ESR1: variants seen among roughly 807,000 people sequenced by gnomAD.
ESR1 encodes estrogen receptor 1, also known as estrogen receptor.
A neutral mutation model predicts 52.7 loss-of-function variants in ESR1; 12 were observed. The observed-to-expected ratio is 0.23, with a 90% CI of 0.15 to 0.37. ESR1 has a LOEUF of 0.37. Among genes scored for constraint, ESR1 ranks in the 10% least tolerant of loss-of-function variants. The pLI is 1.00. For synonymous variants in ESR1, 305 were observed against 316.8 expected (o/e 0.96, Z 0.39); for missense variants, 584 against 779.7 (o/e 0.75, Z 2.99).
At chr6:152,007,726 C>T (rs984378168) in intron 4 of ESR1, among the ~76,000 whole-genome samples, 4 of 152,042 alleles carry the variant, frequency 2.6e-5, no homozygotes, top group South Asian at 4.1e-4. Flanking sequence ...GGCCCATGGC[C>T]CCCATGTCAT....
chr6:151,891,729 C>T (rs1237814506), intron 3 of ESR1, among the ~76,000 whole-genome samples: 1 of 152,116 alleles, frequency 6.6e-6, no homozygotes, highest in African/African-American at 2.4e-5. Context: ...GAGAGATAGA[C>T]ATATGCATGA....
At chr6:152,107,069 T>G (rs1004452204), downstream of ESR1, among the ~76,000 whole-genome samples, 2 of 152,208 alleles carry the variant, frequency 1.3e-5, no homozygotes, top group African/African-American at 4.8e-5. Flanking sequence ...TGTGTTTTGG[T>G]GTAGATCTTT....
chr6:151,767,703 A>G (rs1785177022), intron 2 of ESR1, among the ~76,000 whole-genome samples: 1 of 152,222 alleles, frequency 6.6e-6, no homozygotes, highest in African/African-American at 2.4e-5. Context: ...GTCAAATTCC[A>G]GTTAAAAGAA....
chr6:151,868,586 G>A (rs1214691178), intron 2 of ESR1, among the ~76,000 whole-genome samples: 1 of 152,108 alleles, frequency 6.6e-6, no homozygotes, highest in Non-Finnish European at 1.5e-5. Flanking sequence ...TTCTATGTTA[G>A]TTTGCTTAGA....
At chr6:152,074,190 T>C (rs1309740557) in intron 6 of ESR1, among the ~76,000 whole-genome samples, 2 of 152,184 alleles carry the variant, frequency 1.3e-5, no homozygotes, top group African/African-American at 2.4e-5. Flanking sequence ...GTATGCACTA[T>C]TGTAATATAC....
At chr6:151,724,189 G>A (rs1299641907) in intron 2 of ESR1, among the ~76,000 whole-genome samples, 1 of 152,098 alleles carries the variant, frequency 6.6e-6, no homozygotes, top group African/African-American at 2.4e-5. Flanking sequence ...CAGAATTGGT[G>A]TAAAGTCTTT....
At chr6:152,103,308 T>A (rs1317713870), downstream of ESR1, 2 of 174,526 alleles carry the variant, frequency 1.1e-5, no homozygotes, top group Non-Finnish European at 2.5e-5. Flanking sequence ...GCTCCACTTC[T>A]TGCTAGCAGT....
Position 151,933,288 on chromosome 6 carries a change from T to G in ESR1, c.761-10885T>G, listed in dbSNP as rs2033925776. Among the ~76,000 whole-genome samples the G allele has an allele frequency of 2.7e-5, 4 of 149,748 alleles. No individual in the cohort carries two copies. In the South Asian group the frequency reaches 8.6e-4, roughly 32 times the overall value. The stretch of plus-strand genomic sequence containing the variant: ...GTTGGTGTATAAGAATGCTTGTGAT[T>G]TTTGTACATTGATTTTGTATCCTGA... On this transcript the variant is annotated intron_variant, in intron 3 of 7. Coordinates refer to ENST00000206249, the MANE Select transcript of ESR1 (RefSeq NM_000125.4).
chr6:151,827,169 A>G (rs1427307320), intron 1 of ESR1, among the ~76,000 whole-genome samples: 2 of 152,098 alleles, frequency 1.3e-5, no homozygotes, highest in East Asian at 1.9e-4. Context: ...ACAAAAAAAT[A>G]CAAAGAAAAT....
chr6:151,702,951 T>A (rs1779908163), intron 2 of ESR1, among the ~76,000 whole-genome samples: 1 of 152,200 alleles, frequency 6.6e-6, no homozygotes, highest in Admixed American at 6.5e-5. Flanking sequence ...GTGAATACTA[T>A]CCTAGCCTTC....
chr6:151,798,799 AT>A (rs550880833), intron 2 of ESR1, among the ~76,000 whole-genome samples: 117 of 152,286 alleles, frequency 7.7e-4, no homozygotes, highest in African/African-American at 2.6e-3. Context: ...GAAAGGTCTA[AT>A]TTTTTTCTTT....
chr6:152,076,539 T>C (rs189548064), intron 6 of ESR1, among the ~76,000 whole-genome samples: 12 of 152,064 alleles, frequency 7.9e-5, no homozygotes, highest in African/African-American at 2.7e-4. Context: ...CAGGGAGAGG[T>C]TGGAGCAGTT....
In ESR1 at chr6:151,671,386, T is replaced by C. The variant is rs1254448060; in HGVS notation, n.73+14623T>C. On this transcript the variant is annotated intron_variant and non_coding_transcript_variant, in intron 1 of 2. Transcript: ENST00000473497. ...GAAAATTCTATCACTTGTGACAACG[T>C]AGATGAACCTGGAGGACATCGTGCT... Among the ~76,000 whole-genome samples, 3 of 152,174 alleles carry C rather than the reference T, an allele frequency of 2.0e-5. No homozygotes were observed. In the East Asian group the frequency reaches 5.8e-4, roughly 29 times the overall value.
At chr6:151,999,558 A>C (rs2041787263) in intron 4 of ESR1, among the ~76,000 whole-genome samples, 1 of 152,188 alleles carries the variant, frequency 6.6e-6, no homozygotes, top group Non-Finnish European at 1.5e-5. Flanking sequence ...GCATTACAAG[A>C]AAAGCAGGAG....
chr6:151,781,775 G>A (rs1027145312), intron 2 of ESR1, among the ~76,000 whole-genome samples: 14 of 151,074 alleles, frequency 9.3e-5, no homozygotes, highest in African/African-American at 2.9e-4. Flanking sequence ...ACAGTGACAA[G>A]TGTTTGTTTT....
intron 1 of ESR1, among the ~76,000 whole-genome samples, chr6:151,809,963 G>A (rs1033611776): frequency 6.6e-6 from 1 of 151,990 alleles, no homozygotes; most frequent in African/African-American, 2.4e-5. Flanking sequence ...GCACTGGTAT[G>A]ATGTGAATTC....
intron 2 of ESR1, among the ~76,000 whole-genome samples, chr6:151,862,951 T>A (rs572995000): frequency 6.6e-6 from 1 of 151,012 alleles, no homozygotes; most frequent in African/African-American, 2.4e-5. Context: ...TATGGATTAT[T>A]AAAAAAAAAC....
intron 4 of ESR1, among the ~76,000 whole-genome samples, chr6:151,963,908 A>G (rs1434837808): frequency 6.6e-6 from 1 of 152,176 alleles, no homozygotes; most frequent in African/African-American, 2.4e-5. Flanking sequence ...TTTTCCCAAC[A>G]CCATTTATTA....
At chr6:152,031,643 A>G (rs1462319972) in intron 5 of ESR1, among the ~76,000 whole-genome samples, 1 of 152,228 alleles carries the variant, frequency 6.6e-6, no homozygotes. Flanking sequence ...TGAGGCAATA[A>G]TTAATAGCTT....
Sources: allele counts gnomAD v4.1 joint callset (sites outside exome capture counted in the v4.1 genomes callset), GRCh38; gene constraint gnomAD v4.1.1; transcripts MANE v1.5; gene names NCBI Gene and HGNC (gene_info 2026-07-23, HGNC 2026-07-21).